FHIT: variants seen among roughly 807,000 people sequenced by gnomAD.
FHIT encodes the protein bis(5'-adenosyl)-triphosphatase.
Under a neutral mutation model 17.9 loss-of-function variants are expected in FHIT, and 19 were observed. That is an observed-to-expected ratio of 1.06 (90% CI 0.74 to 1.56). The LOEUF (loss-of-function observed/expected upper bound fraction) is 1.56, where lower values mean the gene tolerates loss of function less well. Among genes scored for constraint, FHIT ranks in the 40% most tolerant of loss-of-function variants. The pLI is 0.00. For synonymous variants in FHIT, 81 were observed against 69.7 expected, an observed-to-expected ratio of 1.16 and a Z score of -0.81; for missense variants, 248 against 189.2, an observed-to-expected ratio of 1.31 and a Z score of -1.82.
At chr3:60,363,754 GC>G (rs1269424111) in intron 5 of FHIT, among the ~76,000 whole-genome samples, 1 of 151,918 alleles carries the variant, frequency 6.6e-6, no homozygotes, top group East Asian at 1.9e-4. Context: ...AGCTTCCCTG[GC>G]CCCCCTGGCC....
chr3:60,065,180 G>C (rs528156422), intron 5 of FHIT, among the ~76,000 whole-genome samples: 1 of 152,140 alleles, frequency 6.6e-6, no homozygotes, highest in Admixed American at 6.5e-5. Context: ...GAAAATATGC[G>C]TATTACACAT....
rs567839027 is a variant in FHIT, at chr3:61,002,727, C to T, written c.-111+39320G>A. On this transcript the variant is annotated intron_variant, in intron 3 of 9. Transcript: ENST00000492590. ...CCGTTGATTGCTCAGGGTAAGAAAT[C>T]GTAATAAAATTCTAGGTATTTCTTC... 5.3e-5 allele frequency among the ~76,000 whole-genome samples: 8 copies of T among 152,058 alleles called. 1 individual carries two copies. In the South Asian group the frequency reaches 8.3e-4, roughly 16 times the overall value.
At chr3:60,881,175 G>T (rs150245993) in intron 3 of FHIT, among the ~76,000 whole-genome samples, 62 of 152,122 alleles carry the variant, frequency 4.1e-4, no homozygotes, top group Non-Finnish European at 5.0e-4. Flanking sequence ...CAGACTTTAA[G>T]TGAAAAAACT....
intron 2 of FHIT, among the ~76,000 whole-genome samples, chr3:61,151,551 T>C (rs1381929275): frequency 7.3e-6 from 1 of 137,314 alleles, no homozygotes; most frequent in Non-Finnish European, 1.6e-5. Flanking sequence ...TTTCACAGAA[T>C]GGCTTGTGAT....
intron 7 of FHIT, among the ~76,000 whole-genome samples, chr3:59,924,650 A>G (rs1705564487): frequency 6.6e-6 from 1 of 152,256 alleles, no homozygotes; most frequent in Non-Finnish European, 1.5e-5. Context: ...TCAAGTAGAC[A>G]TCACATTCAG....
At chr3:60,208,964 C>A (rs532975687) in intron 5 of FHIT, among the ~76,000 whole-genome samples, 12 of 152,264 alleles carry the variant, frequency 7.9e-5, no homozygotes, top group South Asian at 2.1e-4. Flanking sequence ...AGAGAACACA[C>A]TGGTTTTGCC....
At chr3:61,167,232 T>C (rs1368517385) in intron 2 of FHIT, among the ~76,000 whole-genome samples, 1 of 151,668 alleles carries the variant, frequency 6.6e-6, no homozygotes, top group African/African-American at 2.4e-5. Context: ...ATATCCCTAT[T>C]AAATATATAC....
At chr3:61,018,334 G>C (rs1421177697) in intron 3 of FHIT, among the ~76,000 whole-genome samples, 1 of 152,140 alleles carries the variant, frequency 6.6e-6, no homozygotes, top group Non-Finnish European at 1.5e-5. Context: ...AAAAGATGAA[G>C]GAGAATTCTA....
At chr3:60,728,305 T>C (rs1426158947) in intron 4 of FHIT, among the ~76,000 whole-genome samples, 4 of 152,188 alleles carry the variant, frequency 2.6e-5, no homozygotes, top group Non-Finnish European at 5.9e-5. Flanking sequence ...ACTAGTCTGG[T>C]TACTTCATTT....
intron 5 of FHIT, among the ~76,000 whole-genome samples, chr3:60,079,556 C>T (rs1703184031): frequency 6.6e-6 from 1 of 152,052 alleles, no homozygotes; most frequent in Non-Finnish European, 1.5e-5. Context: ...ATTTTCCCCT[C>T]TCTCCTTTTT....
At chr3:59,928,593 C>T (rs1192719796) in intron 7 of FHIT, among the ~76,000 whole-genome samples, 2 of 152,202 alleles carry the variant, frequency 1.3e-5, no homozygotes, top group Non-Finnish European at 2.9e-5. Flanking sequence ...TATGAATAGA[C>T]ATTTCTCCAA....
At chr3:60,642,235 G>T (rs1007092450) in intron 4 of FHIT, among the ~76,000 whole-genome samples, 2 of 152,084 alleles carry the variant, frequency 1.3e-5, no homozygotes, top group Non-Finnish European at 2.9e-5. Flanking sequence ...AGACAAGGTC[G>T]CCTAATAGGC....
intron 8 of FHIT, among the ~76,000 whole-genome samples, chr3:59,788,877 A>T (rs1379856376): frequency 2.3e-5 from 1 of 42,712 alleles, no homozygotes; most frequent in Non-Finnish European, 5.5e-5. Context: ...TGCTGAGTTC[A>T]TATGTTTTTT....
intron 8 of FHIT, among the ~76,000 whole-genome samples, chr3:59,813,432 C>T (rs1170046590): frequency 6.6e-6 from 1 of 152,124 alleles, no homozygotes; most frequent in Non-Finnish European, 1.5e-5. Flanking sequence ...TGTTTGTGCT[C>T]CCAGAGAGCA....
At chr3:60,475,491 G>A (rs2033298680) in intron 5 of FHIT, among the ~76,000 whole-genome samples, 1 of 152,214 alleles carries the variant, frequency 6.6e-6, no homozygotes, top group Admixed American at 6.5e-5. Flanking sequence ...AACAAGGACT[G>A]ATGAATTGGA....
chr3:59,840,255 T>C (rs1701482271), intron 8 of FHIT, among the ~76,000 whole-genome samples: 1 of 152,120 alleles, frequency 6.6e-6, no homozygotes, highest in Non-Finnish European at 1.5e-5. Context: ...TATAAGATAA[T>C]GTCTTATTTT....
intron 5 of FHIT, among the ~76,000 whole-genome samples, chr3:60,107,150 C>CTTTTT (rs540311961): frequency 2.1e-4 from 20 of 95,154 alleles, no homozygotes; most frequent in African/African-American, 5.4e-4. Context: ...AGCTTTAATT[C>CTTTTT]TTTTTTTTTT....
intron 5 of FHIT, among the ~76,000 whole-genome samples, chr3:60,272,226 C>A (rs921531639): frequency 6.6e-6 from 1 of 152,198 alleles, no homozygotes; most frequent in Admixed American, 6.5e-5. Flanking sequence ...GGTATTTATA[C>A]AATTAACTCC....
intron 4 of FHIT, among the ~76,000 whole-genome samples, chr3:60,643,637 T>C (rs1052200802): frequency 6.6e-6 from 1 of 152,166 alleles, no homozygotes; most frequent in African/African-American, 2.4e-5. Context: ...GTCTTCTAAA[T>C]AGGTTTTAGA....
Sources: allele counts gnomAD v4.1 joint callset (sites outside exome capture counted in the v4.1 genomes callset), GRCh38; gene constraint gnomAD v4.1.1; transcripts MANE v1.5; gene names NCBI Gene and HGNC (gene_info 2026-07-23, HGNC 2026-07-21).